Variants in TMEM120A observed in about 807,000 individuals in gnomAD.
TMEM120A encodes the protein ion channel TACAN.
A neutral mutation model predicts 54.3 loss-of-function variants in TMEM120A; 45 were observed. That is an observed-to-expected ratio of 0.83 (90% confidence interval 0.65 to 1.06). The LOEUF (loss-of-function observed/expected upper bound fraction) is 1.06, where lower values mean the gene tolerates loss of function less well. Ranked by LOEUF, TMEM120A falls within the 50% of genes least tolerant of loss-of-function variation. The pLI is 0.00. For missense variants in TMEM120A, 424 were observed against 441.7 expected (o/e 0.96, Z 0.36); for synonymous variants, 204 against 178.5 (o/e 1.14, Z -1.14).
rs781995342 is a variant in TMEM120A, at chr7:75,988,545, G to A, written c.378-29C>T. The stretch of plus-strand genomic sequence containing the variant: ...GGGGGCGCAGGCCGGTGAGACGGGT[G>A]GGGTGCTGGTGGGGCCCATGTGTGC... On this transcript the variant is annotated intron_variant, in intron 4 of 11. Coordinates refer to ENST00000493111, the MANE Select transcript of TMEM120A (RefSeq NM_031925.3). 6 of 1,556,720 alleles carry A rather than the reference G, an allele frequency of 3.9e-6. No individual in the cohort carries two copies. The Admixed American group carries it at 8.6e-5, about 22-fold the overall frequency.
At position 75,992,551 on chromosome 7, in the gene TMEM120A, G is replaced by T; in HGVS notation, c.88C>A (p.His30Asn). ...TCCAGCTTCAGGCGGTAGAGCCGAT[G>T]GGTCTCCTGGGGGCCGGAGGGGAGA... Reference protein sequence around the residue: ...QQDFQNIQETHRLYRLKLEEL... With the variant: ...QQDFQNIQETNRLYRLKLEEL... The change falls in exon 2 of 12, where the codon CAT becomes AAT. Residue 30 changes from histidine to asparagine, a missense_variant. By Grantham distance (68) the His-to-Asn change is moderately conservative. Coordinates refer to ENST00000493111, the MANE Select transcript of TMEM120A (RefSeq NM_031925.3). The T allele has an allele frequency of 6.4e-7, 1 of 1,570,804 alleles. No homozygotes were observed. Among genetic ancestry groups the T allele is most frequent in the South Asian group, 1.2e-5 (1 of 86,020 alleles).
intron 9 of TMEM120A, 56 bp from the exon 10 acceptor site, chr7:75,987,658 C>T (rs1789583144): frequency 1.9e-6 from 3 of 1,605,480 alleles, no homozygotes; most frequent in Admixed American, 1.7e-5. Context: ...GACGCTACCA[C>T]TCAGACCCGG....
chr7:75,994,121 G>C (rs976614182), intron 1 of TMEM120A, among the ~76,000 whole-genome samples: 1 of 152,234 alleles, frequency 6.6e-6, no homozygotes, highest in East Asian at 1.9e-4. Context: ...CCCCCGACCT[G>C]GGCTGCCTCT....
At position 75,988,462 on chromosome 7, in the gene TMEM120A, G is replaced by A; in HGVS notation, c.432C>T (p.Leu144=). The A allele has an allele frequency of 1.2e-6, 2 of 1,610,866 alleles. No homozygotes were observed. The highest frequency in any genetic ancestry group is 1.7e-6 in the Non-Finnish European group (2 of 1,179,546). Residue 144 remains leucine (L), a synonymous_variant, in exon 5 of 12, where the codon CTC becomes CTT. Coordinates refer to ENST00000493111, the MANE Select transcript of TMEM120A (RefSeq NM_031925.3). ...EKFKLYLTII[L]ILISFTCRFL... ...AGCGGCAAGTGAAGGAGATGAGGAT[G>A]AGGATGATGGTGAGGTAGAGCTTGA...
At position 75,988,412 on chromosome 7, in the gene TMEM120A, G is replaced by A. The variant is rs781853068; in HGVS notation, c.473+9C>T. The A allele has an allele frequency of 6.7e-7, 1 of 1,500,318 alleles. No individual in the cohort carries two copies. Among genetic ancestry groups the A allele is most frequent in the South Asian group, 1.1e-5 (1 of 88,920 alleles). The allele number at this position is 1,500,318 out of a possible 1,614,324, so 92.9% of individuals were successfully genotyped here. A position where few individuals can be genotyped will look rare whatever the true frequency, so the allele number is the denominator to read the frequency against. On this transcript the variant is annotated intron_variant, in intron 5 of 11. Transcript: ENST00000493111. ...TGGGGTGGGTCCTCGGCCGGGGTGGGACGCCCACCTGGAGTTGAGCAGGAA... is the reference window on the plus strand; with the variant it reads ...TGGGGTGGGTCCTCGGCCGGGGTGGAACGCCCACCTGGAGTTGAGCAGGAA...
chr7:75,994,390 C>A (rs911075481), intron 1 of TMEM120A, 100 bp downstream of exon 1: 16 of 1,117,178 alleles, frequency 1.4e-5, no homozygotes, highest in Non-Finnish European at 2.1e-5. Flanking sequence ...CGACCCCTGA[C>A]CCTTAGCTCC....
intron 1 of TMEM120A, among the ~76,000 whole-genome samples, chr7:75,994,094 C>G (rs968269403): frequency 6.6e-6 from 1 of 152,134 alleles, no homozygotes; most frequent in Non-Finnish European, 1.5e-5. Context: ...GCCGAGGACA[C>G]CCCCCTAAAC....
In TMEM120A at chr7:75,989,233, G is replaced by C; in HGVS notation, c.318-9C>G. 1.3e-6 allele frequency: 2 copies of C among 1,551,618 alleles called. No homozygotes were observed. Among genetic ancestry groups the C allele is most frequent in the South Asian group, 1.2e-5 (1 of 84,664 alleles). ...CCAGGCTCAGGTACAATCTAGGGAAGGGGGTGGCGGGGTGAGGAGAAGCCC... is the reference window on the plus strand; with the variant it reads ...CCAGGCTCAGGTACAATCTAGGGAACGGGGTGGCGGGGTGAGGAGAAGCCC... On this transcript the variant is annotated splice_polypyrimidine_tract_variant and intron_variant, in intron 3 of 11. Transcript: ENST00000493111.
At chr7:75,990,319 G>A (rs1789788266) in intron 3 of TMEM120A, among the ~76,000 whole-genome samples, 1 of 152,030 alleles carries the variant, frequency 6.6e-6, no homozygotes, top group Non-Finnish European at 1.5e-5. Context: ...CACTATGCCA[G>A]GAGCACTGTG....
intron 4 of TMEM120A, 57 bp downstream of exon 4, chr7:75,989,108 G>C: frequency 2.0e-6 from 1 of 488,104 alleles, no homozygotes; most frequent in Non-Finnish European, 3.5e-6. Flanking sequence ...GGGGAGGGGG[G>C]TAGGGGGCTA....
In TMEM120A at chr7:75,992,205, G is replaced by C; in HGVS notation, c.256C>G (p.Gln86Glu). ...AEGAAQELEN[Q>E]MKERQGLFFD... ...AAGAGGCCTTGGCGCTCTTTCATCTGGTTCTCCAGCTCCTGTGCGGCCCCC... is the reference window on the plus strand; with the variant it reads ...AAGAGGCCTTGGCGCTCTTTCATCTCGTTCTCCAGCTCCTGTGCGGCCCCC... The change falls in exon 3 of 12, where the codon CAG becomes GAG. Residue 86 changes from glutamine (Q) to glutamate (E), a missense_variant. Coordinates refer to ENST00000493111, the MANE Select transcript of TMEM120A (RefSeq NM_031925.3). 6.2e-7 allele frequency: 1 copy of C among 1,612,584 alleles called. No homozygotes were observed.
At chr7:75,987,506 C>T (rs1451475301) in intron 10 of TMEM120A, 32 bp downstream of exon 10, 2 of 1,573,514 alleles carry the variant, frequency 1.3e-6, no homozygotes, top group Admixed American at 1.9e-5. Context: ...GACGGACAGA[C>T]AGACAGGCAG....
In TMEM120A at chr7:75,987,957, G is replaced by C; in HGVS notation, c.657C>G (p.Phe219Leu). ...TWPDGLMYQKFRNQFLSFSMY... is the reference protein window; with the variant it reads ...TWPDGLMYQKLRNQFLSFSMY... ...TGGAAAAGGAGAGGAATTGGTTCCG[G>C]AATTTCTGGTACATGAGACCGTCGG... is the stretch of plus-strand genomic sequence containing the variant. The change falls in exon 8 of 12, where the codon TTC becomes TTG. Residue 219 changes from phenylalanine to leucine, a missense_variant. Coordinates refer to ENST00000493111, the MANE Select transcript of TMEM120A (RefSeq NM_031925.3). 6.2e-7 allele frequency: 1 copy of C among 1,603,224 alleles called. No individual in the cohort carries two copies. The highest frequency in any genetic ancestry group is 8.5e-7 in the Non-Finnish European group (1 of 1,175,438).
rs187197181 is a variant in TMEM120A at position 75,989,277 on chromosome 7, C to A, written c.318-53G>T. On this transcript the variant is annotated intron_variant, in intron 3 of 11. Coordinates refer to ENST00000493111, the MANE Select transcript of TMEM120A (RefSeq NM_031925.3). Reference sequence around the variant, plus strand: ...GAAGCCCGAGTGACAGACAAGCCACCGGTACTCAGCCAAGCCTGCCAGGCC... The same window carrying A: ...GAAGCCCGAGTGACAGACAAGCCACAGGTACTCAGCCAAGCCTGCCAGGCC... 103 of 1,212,956 alleles carry A rather than the reference C, an allele frequency of 8.5e-5. No individual in the cohort carries two copies. In the African/African-American group the frequency reaches 1.2e-3, roughly 14 times the overall value. 75.1% of individuals were successfully genotyped at this position (1,212,956 alleles called of 1,614,324 possible). A position where few individuals can be genotyped will look rare whatever the true frequency, so the allele number is the denominator to read the frequency against.
At chr7:75,992,361 G>T in intron 2 of TMEM120A, 78 bp downstream of exon 2, 1 of 1,555,990 alleles carries the variant, frequency 6.4e-7, no homozygotes. Flanking sequence ...AGAGGGGAGG[G>T]GCGGTGCCCA....
Position 75,988,063 on chromosome 7 carries a change from G to T in TMEM120A, c.629+20C>A, listed in dbSNP as rs782135590. 6.2e-7 allele frequency: 1 copy of T among 1,602,416 alleles called. No individual in the cohort carries two copies. The highest frequency in any genetic ancestry group is 1.3e-5 in the African/African-American group (1 of 74,758). On this transcript the variant is annotated intron_variant, in intron 7 of 11. Coordinates refer to ENST00000493111, the MANE Select transcript of TMEM120A (RefSeq NM_031925.3). ...CCTCCTTGTCCCAGCTCCTGCCCCT[G>T]CCGGGGCCCAGCCACTCACCACGTC...
chr7:75,994,369 C>T, intron 1 of TMEM120A, 121 bp downstream of exon 1: 1 of 851,712 alleles, frequency 1.2e-6, no homozygotes, highest in African/African-American at 1.8e-5. Context: ...TTGGCAGTGA[C>T]GCCAGGGCCC....
rs373027190 is a variant in TMEM120A at position 75,987,577 on chromosome 7, C to T, written c.810G>A (p.Arg270=). The change falls in exon 10 of 12, where the codon CGG becomes CGA. Residue 270 remains arginine (R), a synonymous_variant. Transcript: ENST00000493111. The stretch of plus-strand genomic sequence containing the variant: ...GAAAAGGCAGCAGGAAGGTGAGGCC[C>T]CGCCACATCCAGGACTGGAAGCCCT... ...TVEGFQSWMW[R]GLTFLLPFLF... is the part of the protein sequence containing the mutation. 38 of 1,607,176 alleles carry T rather than the reference C, an allele frequency of 2.4e-5. No individual in the cohort carries two copies. Among genetic ancestry groups the T allele is most frequent in the Non-Finnish European group, 3.1e-5 (37 of 1,177,406 alleles).
chr7:75,988,415 G>A lies in TMEM120A; in HGVS notation c.473+6C>T, dbSNP rs532117123. The stretch of plus-strand genomic sequence containing the variant: ...GGTGGGTCCTCGGCCGGGGTGGGAC[G>A]CCCACCTGGAGTTGAGCAGGAAGCG... On this transcript the variant is annotated splice_donor_region_variant and intron_variant, in intron 5 of 11. Transcript: ENST00000493111. 2.9e-5 allele frequency: 47 copies of A among 1,610,684 alleles called. No individual in the cohort carries two copies. Among genetic ancestry groups the A allele is most frequent in the East Asian group, 2.5e-4 (11 of 44,656 alleles).
Sources: allele counts gnomAD v4.1 joint callset (sites outside exome capture counted in the v4.1 genomes callset), GRCh38; gene constraint gnomAD v4.1.1; transcripts MANE v1.5; gene names NCBI Gene and HGNC (gene_info 2026-07-23, HGNC 2026-07-21).